TG: variants seen among roughly 807,000 people sequenced by gnomAD.
TG encodes thyroid hormones.
Under a neutral mutation model 324.7 loss-of-function variants are expected in TG, and 270 were observed. The ratio of observed to expected loss-of-function variants is 0.83; its 90% CI spans 0.75 to 0.92. TG has a LOEUF of 0.92. Among genes scored for constraint, TG ranks in the 40% least tolerant of loss-of-function variants. TG has a pLI of 0.00. For missense variants in TG, 3,591 were observed against 3,456.4 expected, an observed-to-expected ratio of 1.04 and a Z score of -0.98; for synonymous variants, 1,401 against 1,327.0, an observed-to-expected ratio of 1.06 and a Z score of -1.21.
In TG at chr8:132,969,165, C is replaced by T. The variant is rs1035549517; in HGVS notation, c.5864-293C>T. On this transcript the variant is annotated intron_variant, in intron 31 of 47. Transcript: ENST00000220616. ...AGATGGCGTTGCTTCTTTGTTCTTT[C>T]CACAGAAAAGTTGAGTAGTTTTCTT... is the stretch of plus-strand genomic sequence containing the variant. Among the ~76,000 whole-genome samples the T allele has an allele frequency of 4.6e-5, 7 of 152,244 alleles. No homozygotes were observed. The South Asian group carries it at 1.2e-3, about 27-fold the overall frequency.
intron 45 of TG, among the ~76,000 whole-genome samples, chr8:133,124,721 A>G (rs1427498981): frequency 6.6e-6 from 1 of 152,180 alleles, no homozygotes; most frequent in African/African-American, 2.4e-5. Flanking sequence ...AAAACATTCA[A>G]AATGACTAAA....
intron 27 of TG, among the ~76,000 whole-genome samples, chr8:132,956,776 G>A (rs974944346): frequency 1.3e-5 from 2 of 152,180 alleles, no homozygotes; most frequent in Non-Finnish European, 2.9e-5. Flanking sequence ...CTATGTGGCT[G>A]AGGGATGGGA....
intron 41 of TG, among the ~76,000 whole-genome samples, chr8:133,041,180 C>T (rs891631128): frequency 6.6e-6 from 1 of 152,240 alleles, no homozygotes; most frequent in African/African-American, 2.4e-5. Context: ...GTGCCACTGG[C>T]CTCCGGCAGG....
intron 43 of TG, 90 bp downstream of exon 43, chr8:133,096,463 C>T (rs912934012): frequency 2.7e-6 from 4 of 1,493,674 alleles, no homozygotes; most frequent in Non-Finnish European, 3.7e-6. Flanking sequence ...GAGATATTGA[C>T]CAATTGCTGA....
intron 11 of TG, among the ~76,000 whole-genome samples, chr8:132,896,271 T>G (rs1817086441): frequency 1.3e-5 from 2 of 152,190 alleles, no homozygotes; most frequent in Non-Finnish European, 2.9e-5. Context: ...GTGCCGGGAT[T>G]CAGAAGGAGG....
intron 27 of TG, among the ~76,000 whole-genome samples, chr8:132,959,420 A>T (rs1827433950): frequency 6.6e-6 from 1 of 152,216 alleles, no homozygotes; most frequent in Non-Finnish European, 1.5e-5. Flanking sequence ...ATAATAATAG[A>T]AACCTGATAC....
intron 14 of TG, 138 bp from the exon 15 acceptor site, chr8:132,900,099 C>T: frequency 1.4e-6 from 1 of 725,540 alleles, no homozygotes. Flanking sequence ...GAGCACCTCT[C>T]CCCACCTCCA....
At chr8:133,075,813 C>T (rs1436777071) in intron 41 of TG, among the ~76,000 whole-genome samples, 1 of 152,032 alleles carries the variant, frequency 6.6e-6, no homozygotes, top group Non-Finnish European at 1.5e-5. Flanking sequence ...ATGAGGGAGA[C>T]AGAAGGCAAA....
chr8:132,992,600 T>A (rs1052509622), intron 35 of TG, among the ~76,000 whole-genome samples: 2 of 152,160 alleles, frequency 1.3e-5, no homozygotes, highest in East Asian at 3.8e-4. Flanking sequence ...CTAAAGTATA[T>A]AGACACTGTG....
intron 2 of TG, among the ~76,000 whole-genome samples, chr8:132,869,118 A>C (rs1030585321): frequency 6.6e-5 from 10 of 152,170 alleles, no homozygotes; most frequent in Admixed American, 3.3e-4. Context: ...TTATATTCCC[A>C]TTCCCAACTC....
At chr8:133,039,859 C>A (rs1837834266) in intron 41 of TG, 17 of 1,429,886 alleles carry the variant, frequency 1.2e-5, no homozygotes, top group East Asian at 5.0e-5. Context: ...TGCTCACCCC[C>A]CAGTTTCAGC....
Position 132,886,684 on chromosome 8 carries a change from A to G in TG, c.1312A>G (p.Asn438Asp). The G allele has an allele frequency of 6.2e-7, 1 of 1,614,164 alleles. No individual in the cohort carries two copies. The highest frequency in any genetic ancestry group is 1.3e-5 in the African/African-American group (1 of 75,054). Reference sequence around the variant, plus strand: ...GAGCCAACAGTTTTCTGTCTCAGAAAATCTTCTCAAAGAAGCCATCCGAGC... The same window carrying G: ...GAGCCAACAGTTTTCTGTCTCAGAAGATCTTCTCAAAGAAGCCATCCGAGC... ...GQSQQFSVSE[N>D]LLKEAIRAIF... is the part of the protein sequence containing the mutation. Residue 438 changes from asparagine (N) to aspartate (D), a missense_variant, in exon 9 of 48, where the codon AAT (asparagine) becomes GAT (aspartate). By Grantham distance (23) the Asn-to-Asp change is conservative. Coordinates refer to ENST00000220616, the MANE Select transcript of TG (RefSeq NM_003235.5).
At chr8:132,877,115 G>A (rs1237676721) in intron 5 of TG, among the ~76,000 whole-genome samples, 1 of 152,046 alleles carries the variant, frequency 6.6e-6, no homozygotes, top group African/African-American at 2.4e-5. Context: ...CGCTCTGCTA[G>A]GCTACGGCCC....
At chr8:132,893,175 GT>G (rs1278868645) in intron 10 of TG, among the ~76,000 whole-genome samples, 1 of 137,830 alleles carries the variant, frequency 7.3e-6, no homozygotes, top group African/African-American at 2.7e-5. Context: ...TGTGGTGTGT[GT>G]GTGGTGTGTA....
At chr8:133,106,687 T>C (rs147526228) in intron 43 of TG, among the ~76,000 whole-genome samples, 305 of 152,280 alleles carry the variant, frequency 2.0e-3, no homozygotes, top group African/African-American at 7.1e-3. Context: ...GGACCCTCAC[T>C]GCCCAGCACC....
intron 25 of TG, among the ~76,000 whole-genome samples, chr8:132,936,239 G>A (rs1164906904): frequency 2.6e-5 from 4 of 152,248 alleles, no homozygotes; most frequent in African/African-American, 9.6e-5. Context: ...GTGCCGTCTG[G>A]AAGGCCCATG....
At chr8:133,082,041 A>G (rs1047806720) in intron 41 of TG, among the ~76,000 whole-genome samples, 31 of 152,190 alleles carry the variant, frequency 2.0e-4, no homozygotes, top group African/African-American at 7.0e-4. Context: ...ATCTTCTGCA[A>G]AGGGCACAGA....
chr8:133,036,540 C>A (rs949013398), intron 41 of TG, among the ~76,000 whole-genome samples: 12 of 152,164 alleles, frequency 7.9e-5, no homozygotes, highest in Non-Finnish European at 5.9e-5. Context: ...AGACACCCCC[C>A]AGAGTCATAC....
At chr8:132,978,316 G>A (rs758572515) in intron 34 of TG, among the ~76,000 whole-genome samples, 2 of 152,142 alleles carry the variant, frequency 1.3e-5, no homozygotes, top group Non-Finnish European at 2.9e-5. Context: ...TCATTACTGC[G>A]AGGACAGTAC....
Sources: gnomAD v4.1 joint callset for allele counts (sites outside exome capture counted in the v4.1 genomes callset) on GRCh38, gnomAD v4.1.1 for gene constraint, MANE v1.5 for transcripts, NCBI Gene and HGNC (gene_info 2026-07-23, HGNC 2026-07-21) for gene names.